Variants in TCF7L1 observed in about 807,000 individuals in gnomAD.
TCF7L1 encodes transcription factor 7 like 1.
Under a neutral mutation model 63.7 loss-of-function variants are expected in TCF7L1, and 18 were observed. That is an observed-to-expected ratio of 0.28 (90% confidence interval 0.20 to 0.42). The LOEUF (loss-of-function observed/expected upper bound fraction) is 0.42, where lower values mean the gene tolerates loss of function less well. TCF7L1 is among the 10% of genes least tolerant of loss of function. The pLI is 1.00. For missense variants in TCF7L1, 654 were observed against 779.3 expected, an observed-to-expected ratio of 0.84 and a Z score of 1.91; for synonymous variants, 355 against 340.9, an observed-to-expected ratio of 1.04 and a Z score of -0.46.
rs1315261700 is a variant in TCF7L1, at chr2:85,133,549, C to T, written c.-136C>T. The T allele has an allele frequency of 4.5e-5, 9 of 199,098 alleles. No homozygotes were observed. The South Asian group carries it at 1.2e-3, about 26-fold the overall frequency. 12.3% of individuals were successfully genotyped at this position (199,098 alleles called of 1,614,324 possible). ...AGCGCCGGGCCCGCTTCCCGCGGGG[C>T]CACGCCCTGTCAAACTTTGTTGCGG... On this transcript the variant is annotated 5_prime_UTR_variant, in exon 1 of 12. Coordinates refer to ENST00000282111, the MANE Select transcript of TCF7L1 (RefSeq NM_031283.3). This position sits in a 1 kb window ranked among gnomAD's most constrained non-coding sequence, Gnocchi z 4.4.
At chr2:85,213,385 C>A (rs1035785581) in intron 3 of TCF7L1, among the ~76,000 whole-genome samples, 9 of 152,282 alleles carry the variant, frequency 5.9e-5, no homozygotes, top group South Asian at 2.1e-4. Context: ...CCCAATGACA[C>A]CTCTCTGATT....
intron 3 of TCF7L1, among the ~76,000 whole-genome samples, chr2:85,165,331 C>G (rs1678392477): frequency 6.6e-6 from 1 of 152,066 alleles, no homozygotes; most frequent in Non-Finnish European, 1.5e-5. Context: ...TCAAAGACAT[C>G]AGAGATTAGG....
At chr2:85,177,293 T>C (rs1019120849) in intron 3 of TCF7L1, among the ~76,000 whole-genome samples, 8 of 152,120 alleles carry the variant, frequency 5.3e-5, no homozygotes, top group Non-Finnish European at 1.2e-4. Context: ...TACCATCACA[T>C]TGGGGATTGG....
At position 85,218,236 on chromosome 2, in the gene TCF7L1, T is replaced by TTTTATTTATTTATTTA. The variant is rs139892042; in HGVS notation, c.442-65239_442-65224dup. On this transcript the variant is annotated intron_variant, in intron 3 of 11. Transcript: ENST00000282111. ...TCCCACACTTTTCTAACTTTACTTA[T>TTTTATTTATTTATTTA]TTTATTTATTTATTTATTTATTTAT... Among the ~76,000 whole-genome samples the TTTTATTTATTTATTTA allele has an allele frequency of 9.2e-3, 1,372 of 149,330 alleles. 17 individuals are homozygous for TTTTATTTATTTATTTA. The highest frequency in any genetic ancestry group is 0.032 in the African/African-American group (1,297 of 40,104).
intron 4 of TCF7L1, among the ~76,000 whole-genome samples, chr2:85,295,899 T>G (rs1359873597): frequency 6.8e-6 from 1 of 146,952 alleles, no homozygotes; most frequent in African/African-American, 2.5e-5. Context: ...TGCCTCAGCC[T>G]CCTGAGTAGC....
chr2:85,159,930 T>A (rs950413121), intron 3 of TCF7L1, among the ~76,000 whole-genome samples: 2 of 152,222 alleles, frequency 1.3e-5, no homozygotes, highest in Non-Finnish European at 2.9e-5. Flanking sequence ...CCAGGCTCCC[T>A]GACCGATGCC....
At chr2:85,172,658 T>TTGG (rs1678576017) in intron 3 of TCF7L1, among the ~76,000 whole-genome samples, 1 of 152,172 alleles carries the variant, frequency 6.6e-6, no homozygotes, top group African/African-American at 2.4e-5. Context: ...ACTCCTGACC[T>TTGG]CAGGTGATCT....
rs151106588 is a variant in TCF7L1 at position 85,248,650 on chromosome 2, C to G, written c.442-34845C>G. On this transcript the variant is annotated intron_variant, in intron 3 of 11. Coordinates refer to ENST00000282111, the MANE Select transcript of TCF7L1 (RefSeq NM_031283.3). ...GGAGGAAGAAGAGTATCTCAGCCAA[C>G]CACCAACTCCCACCCCCTAAACCAT... Among the ~76,000 whole-genome samples, 635 of 152,290 alleles carry G rather than the reference C, an allele frequency of 4.2e-3. 1 individual carries two copies. The highest frequency in any genetic ancestry group is 0.014 in the Middle Eastern group (4 of 294).
rs554792031 is a variant in TCF7L1 at position 85,148,861 on chromosome 2, C to T, written c.441+14411C>T. Among the ~76,000 whole-genome samples, 13 of 148,954 alleles carry T rather than the reference C, an allele frequency of 8.7e-5. No individual in the cohort carries two copies. In the East Asian group the frequency reaches 1.8e-3, roughly 21 times the overall value. The stretch of plus-strand genomic sequence containing the variant: ...CGATCTTGGCTCACTGCAACCTCTG[C>T]CCCCCCAGGTTCAAGCGATTCTCTC... On this transcript the variant is annotated intron_variant, in intron 3 of 11. Coordinates refer to ENST00000282111, the MANE Select transcript of TCF7L1 (RefSeq NM_031283.3).
chr2:85,232,883 T>G (rs1680115199), intron 3 of TCF7L1: 1 of 152,198 alleles, frequency 6.6e-6, no homozygotes, highest in African/African-American at 2.4e-5. Context: ...CAGGTGTAAC[T>G]TCAGAGAACA....
At chr2:85,205,960 T>C (rs757459531) in intron 3 of TCF7L1, among the ~76,000 whole-genome samples, 16 of 152,232 alleles carry the variant, frequency 1.1e-4, no homozygotes, top group Admixed American at 6.5e-5. Flanking sequence ...AGGACTGCCA[T>C]CCACTTGGAT....
intron 3 of TCF7L1, among the ~76,000 whole-genome samples, chr2:85,172,000 C>T (rs1204953704): frequency 6.6e-6 from 1 of 152,122 alleles, no homozygotes; most frequent in Non-Finnish European, 1.5e-5. Flanking sequence ...ACCAGTTTCT[C>T]AGTCTTCACT....
chr2:85,291,538 T>C (rs1201130855), intron 4 of TCF7L1, among the ~76,000 whole-genome samples: 1 of 151,012 alleles, frequency 6.6e-6, no homozygotes, highest in Non-Finnish European at 1.5e-5. Context: ...TGTTTTTGTG[T>C]GTATGTGTTT....
chr2:85,231,255 C>T (rs6726664), intron 3 of TCF7L1, among the ~76,000 whole-genome samples: 4,957 of 152,250 alleles, frequency 0.033, 291 homozygotes, highest in African/African-American at 0.11. Flanking sequence ...GGCGCTTCCT[C>T]CTAGCATCCT....
chr2:85,221,869 A>G (rs146140234), intron 3 of TCF7L1, among the ~76,000 whole-genome samples: 5 of 152,252 alleles, frequency 3.3e-5, no homozygotes, highest in African/African-American at 1.2e-4. Context: ...TTTACCAGAA[A>G]TACAATTCAG....
intron 3 of TCF7L1, among the ~76,000 whole-genome samples, chr2:85,196,398 G>A (rs1679157904): frequency 6.6e-6 from 1 of 152,212 alleles, no homozygotes; most frequent in African/African-American, 2.4e-5. Context: ...CCCAGCACAT[G>A]TTATTCTGCA....
intron 4 of TCF7L1, among the ~76,000 whole-genome samples, chr2:85,294,465 T>A (rs901869504): frequency 1.8e-4 from 28 of 152,322 alleles, no homozygotes; most frequent in Middle Eastern, 6.8e-3. Flanking sequence ...TTCCAGGTGA[T>A]GCTTATGCTG....
Position 85,306,221 on chromosome 2 carries a change from C to T in TCF7L1, c.1005C>T (p.Thr335=), listed in dbSNP as rs143442628. The T allele has an allele frequency of 1.4e-5, 23 of 1,613,896 alleles. No individual in the cohort carries two copies. The African/African-American group carries it at 1.7e-4, about 12-fold the overall frequency. Reference sequence around the variant, plus strand: ...GCCTTCCCAGGAAATCACCAGTCACCGTGAAAAAGGAGGAGGAAAAGAAGC... The same window carrying T: ...GCCTTCCCAGGAAATCACCAGTCACTGTGAAAAAGGAGGAGGAAAAGAAGC... The part of the protein sequence containing the change: ...SPAVSVKSPV[T]VKKEEEKKPH... The change falls in exon 9 of 12, where the codon ACC becomes ACT. Residue 335 remains threonine (T), a synonymous_variant. Coordinates refer to ENST00000282111, the MANE Select transcript of TCF7L1 (RefSeq NM_031283.3). This position sits in a 1 kb window ranked among gnomAD's most constrained non-coding sequence, Gnocchi z 4.3.
At chr2:85,150,080 T>C (rs1017358288) in intron 3 of TCF7L1, among the ~76,000 whole-genome samples, 1 of 152,246 alleles carries the variant, frequency 6.6e-6, no homozygotes, top group Non-Finnish European at 1.5e-5. Flanking sequence ...GTTGTCTTAC[T>C]GATAGATGTC....
Sources: allele counts gnomAD v4.1 joint callset (sites outside exome capture counted in the v4.1 genomes callset), GRCh38; gene constraint gnomAD v4.1.1; non-coding constraint Gnocchi (gnomAD v3.1); transcripts MANE v1.5; gene names NCBI Gene and HGNC (gene_info 2026-07-23, HGNC 2026-07-21).